Variants in EXT1 observed in about 807,000 individuals in gnomAD.
The protein encoded by EXT1 is exostosin-1.
In EXT1, 20 loss-of-function variants were observed where a neutral mutation model predicts 82.5. The observed-to-expected ratio is 0.24, with a 90% CI of 0.17 to 0.35. The LOEUF is 0.35. Among genes scored for constraint, EXT1 ranks in the 10% least tolerant of loss-of-function variants. The pLI, the probability that EXT1 is intolerant of heterozygous loss-of-function variation, is 1.00. For missense variants in EXT1, 757 were observed against 936.5 expected (o/e 0.81, Z 2.50); for synonymous variants, 348 against 350.8 (o/e 0.99, Z 0.09).
chr8:117,856,252 C>CTTT (rs941357298), intron 1 of EXT1, among the ~76,000 whole-genome samples: 2 of 135,656 alleles, frequency 1.5e-5, no homozygotes, highest in Non-Finnish European at 3.2e-5. Context: ...AAGGCTTTTT[C>CTTT]TTTTTTTTTT....
At chr8:118,007,686 AACT>A (rs1442669789) in intron 1 of EXT1, among the ~76,000 whole-genome samples, 1 of 152,262 alleles carries the variant, frequency 6.6e-6, no homozygotes, top group East Asian at 1.9e-4. Flanking sequence ...AAGCCCAGGT[AACT>A]ACAAGACTGT....
At chr8:117,973,926 A>AAAGGAAGGAAGGAAGG (rs1196438624) in intron 1 of EXT1, among the ~76,000 whole-genome samples, 2 of 71,682 alleles carry the variant, frequency 2.8e-5, no homozygotes, top group Admixed American at 3.3e-4. Flanking sequence ...AGAAAGGCAG[A>AAAGGAAGGAAGGAAGG]AAGCAAGGAA....
At chr8:117,905,832 C>G (rs1813534080) in intron 1 of EXT1, among the ~76,000 whole-genome samples, 1 of 152,074 alleles carries the variant, frequency 6.6e-6, no homozygotes, top group African/African-American at 2.4e-5. Flanking sequence ...ACAAAAAACA[C>G]TTTGTGGAAT....
At chr8:117,901,087 T>C (rs182436488) in intron 1 of EXT1, among the ~76,000 whole-genome samples, 65 of 152,326 alleles carry the variant, frequency 4.3e-4, no homozygotes, top group African/African-American at 1.5e-3. Context: ...TCCATCGTTT[T>C]CCAGGGACCA....
At chr8:117,974,759 AC>A (rs1482532386) in intron 1 of EXT1, among the ~76,000 whole-genome samples, 1 of 151,894 alleles carries the variant, frequency 6.6e-6, no homozygotes, top group Non-Finnish European at 1.5e-5. Flanking sequence ...GAGCCACCAC[AC>A]CCAGCCCTCA....
At chr8:117,993,964 G>T (rs1054917870) in intron 1 of EXT1, among the ~76,000 whole-genome samples, 2 of 152,200 alleles carry the variant, frequency 1.3e-5, no homozygotes, top group Non-Finnish European at 2.9e-5. Flanking sequence ...GTTGTTAGAG[G>T]AAAGAGATGA....
At chr8:118,011,206 T>G (rs2129834792) in intron 1 of EXT1, among the ~76,000 whole-genome samples, 1 of 152,296 alleles carries the variant, frequency 6.6e-6, no homozygotes, top group Middle Eastern at 3.4e-3. Flanking sequence ...TTTCCCTGCC[T>G]GACATTAAAA....
At chr8:117,965,991 T>C (rs909902569) in intron 1 of EXT1, among the ~76,000 whole-genome samples, 1 of 124,572 alleles carries the variant, frequency 8.0e-6, no homozygotes, top group Non-Finnish European at 1.6e-5. Context: ...CATACATGCA[T>C]ATACACACAC....
intron 9 of EXT1, among the ~76,000 whole-genome samples, chr8:117,806,929 TTTG>T (rs994566819): frequency 1.3e-5 from 2 of 152,172 alleles, no homozygotes; most frequent in Non-Finnish European, 2.9e-5. Flanking sequence ...GGTATTTACT[TTTG>T]TTGTTGTTAT....
chr8:117,973,922 GCA>G (rs1815010200), intron 1 of EXT1, among the ~76,000 whole-genome samples: 2 of 134,802 alleles, frequency 1.5e-5, no homozygotes, highest in African/African-American at 5.8e-5. Flanking sequence ...GGGAAGAAAG[GCA>G]GAAAGCAAGG....
intron 1 of EXT1, among the ~76,000 whole-genome samples, chr8:117,988,617 C>G (rs1338395187): frequency 2.0e-5 from 3 of 152,154 alleles, no homozygotes; most frequent in African/African-American, 7.2e-5. Context: ...GCCTGAGCTT[C>G]CCACCTCCCT....
intron 1 of EXT1, among the ~76,000 whole-genome samples, chr8:118,062,356 G>A (rs1275279874): frequency 6.6e-6 from 1 of 152,160 alleles, no homozygotes; most frequent in Admixed American, 6.5e-5. Flanking sequence ...AAGGTGATGG[G>A]CTTGCAGACA....
intron 1 of EXT1, among the ~76,000 whole-genome samples, chr8:117,876,730 T>A (rs990408325): frequency 6.6e-6 from 1 of 152,202 alleles, no homozygotes; most frequent in Non-Finnish European, 1.5e-5. Context: ...AGGAAAGTAA[T>A]GAAGACTGAC....
At position 117,909,793 on chromosome 8, in the gene EXT1, A is replaced by T. The variant is rs141901097; in HGVS notation, c.963-72592T>A. On this transcript the variant is annotated intron_variant, in intron 1 of 10. Coordinates refer to ENST00000378204, the MANE Select transcript of EXT1 (RefSeq NM_000127.3). ...TTTTTTATTTTTATTTTTTAGATGG[A>T]GTCTCGCTCTGTCACCCAGATGGGA... is the stretch of plus-strand genomic sequence containing the variant. Among the ~76,000 whole-genome samples the T allele has an allele frequency of 2.7e-3, 418 of 152,130 alleles. 3 individuals are homozygous for T. The highest frequency in any genetic ancestry group is 9.5e-3 in the African/African-American group (395 of 41,510).
intron 1 of EXT1, among the ~76,000 whole-genome samples, chr8:117,867,970 A>G (rs1387961371): frequency 6.6e-6 from 1 of 152,204 alleles, no homozygotes; most frequent in Non-Finnish European, 1.5e-5. Flanking sequence ...CACACGACTA[A>G]TGCCATAAGC....
chr8:118,031,260 C>A (rs891742804), intron 1 of EXT1, among the ~76,000 whole-genome samples: 2 of 152,106 alleles, frequency 1.3e-5, no homozygotes, highest in African/African-American at 4.8e-5. Flanking sequence ...GTGACTCACA[C>A]CTGTAATCTC....
chr8:118,011,353 C>T (rs1434770950), intron 1 of EXT1, among the ~76,000 whole-genome samples: 1 of 152,156 alleles, frequency 6.6e-6, no homozygotes, highest in Non-Finnish European at 1.5e-5. Context: ...TAGTAGGCAC[C>T]CACTAACCTT....
intron 1 of EXT1, among the ~76,000 whole-genome samples, chr8:117,944,871 A>G (rs1301545915): frequency 1.3e-5 from 2 of 152,196 alleles, no homozygotes; most frequent in Non-Finnish European, 2.9e-5. Flanking sequence ...CTAAAAAAAT[A>G]GATCATCTCG....
chr8:117,934,323 G>C (rs753303239), intron 1 of EXT1, among the ~76,000 whole-genome samples: 1 of 152,234 alleles, frequency 6.6e-6, no homozygotes, highest in East Asian at 1.9e-4. Context: ...GGAGGCAGAG[G>C]GATAGAATGG....
Sources: gnomAD v4.1 joint callset for allele counts (sites outside exome capture counted in the v4.1 genomes callset) on GRCh38, gnomAD v4.1.1 for gene constraint, MANE v1.5 for transcripts, NCBI Gene and HGNC (gene_info 2026-07-23, HGNC 2026-07-21) for gene names.